SH3GL2: variants seen among roughly 807,000 people sequenced by gnomAD.
SH3GL2 encodes the protein SH3 domain containing GRB2 like 2, endophilin A1, also known as endophilin-A1.
In SH3GL2, 24 loss-of-function variants were observed where a neutral mutation model predicts 46.0. The observed-to-expected ratio is 0.52, with a 90% confidence interval of 0.38 to 0.73. The LOEUF is 0.73. Among genes scored for constraint, SH3GL2 ranks in the 30% least tolerant of loss-of-function variants. The pLI, the probability that SH3GL2 is intolerant of heterozygous loss-of-function variation, is 0.00. For synonymous variants in SH3GL2, 196 were observed against 147.1 expected (o/e 1.33, Z -2.40); for missense variants, 413 against 424.2 (o/e 0.97, Z 0.23).
chr9:17,655,826 A>T (rs1416682945), intron 1 of SH3GL2, among the ~76,000 whole-genome samples: 1 of 152,174 alleles, frequency 6.6e-6, no homozygotes, highest in Non-Finnish European at 1.5e-5. Flanking sequence ...TCATCCCTGC[A>T]TGCTTGCCTT....
chr9:17,694,303 C>G (rs939247769), intron 1 of SH3GL2, among the ~76,000 whole-genome samples: 2 of 151,914 alleles, frequency 1.3e-5, no homozygotes, highest in African/African-American at 4.8e-5. Context: ...TTCACAATGG[C>G]GGAGCAGGAG....
At chr9:17,720,248 GA>G (rs1349214380) in intron 1 of SH3GL2, among the ~76,000 whole-genome samples, 4 of 152,058 alleles carry the variant, frequency 2.6e-5, no homozygotes, top group Non-Finnish European at 5.9e-5. Flanking sequence ...GACAGGAGGG[GA>G]CAAAAGAAGA....
chr9:17,586,676 T>C (rs549150405), intron 1 of SH3GL2, among the ~76,000 whole-genome samples: 1 of 152,224 alleles, frequency 6.6e-6, no homozygotes, highest in Admixed American at 6.5e-5. Context: ...CAGAGCAAAG[T>C]GGGGTAAAAG....
At position 17,623,568 on chromosome 9, in the gene SH3GL2, G is replaced by A. The variant is rs930721803; in HGVS notation, c.45+44281G>A. Among the ~76,000 whole-genome samples the A allele has an allele frequency of 3.9e-5, 6 of 152,090 alleles. 1 individual carries two copies. In the Middle Eastern group the frequency reaches 0.017, roughly 434 times the overall value. ...TGAAAAATGTAATCGGAGAATGAAGGTTCAATATGTTTTTTGTTTGCATTT... is the reference window on the plus strand; with the variant it reads ...TGAAAAATGTAATCGGAGAATGAAGATTCAATATGTTTTTTGTTTGCATTT... On this transcript the variant is annotated intron_variant, in intron 1 of 8. Coordinates refer to ENST00000380607, the MANE Select transcript of SH3GL2 (RefSeq NM_003026.5).
At chr9:17,640,871 A>C (rs1819663836) in intron 1 of SH3GL2, among the ~76,000 whole-genome samples, 1 of 152,218 alleles carries the variant, frequency 6.6e-6, no homozygotes, top group African/African-American at 2.4e-5. Context: ...CAACATGCCT[A>C]ATGTAGCATA....
At position 17,755,391 on chromosome 9, in the gene SH3GL2, C is replaced by T. The variant is rs1325016146; in HGVS notation, c.115-6046C>T. Among the ~76,000 whole-genome samples the T allele has an allele frequency of 2.6e-5, 4 of 152,306 alleles. No homozygotes were observed. In the East Asian group the frequency reaches 7.7e-4, roughly 29 times the overall value. On this transcript the variant is annotated intron_variant, in intron 2 of 8. Transcript: ENST00000380607. The stretch of plus-strand genomic sequence containing the variant: ...CATGCCTCTGGATTTGGTTTGCCAG[C>T]ATTGTATTGAGGATTTGCATCAGTG...
At chr9:17,795,171 A>G (rs7860861) in intron 8 of SH3GL2, among the ~76,000 whole-genome samples, 87,164 of 152,084 alleles carry the variant, frequency 0.57, 25,487 homozygotes, top group East Asian at 0.88. Context: ...TGTGTTATTA[A>G]CCTACATCAT....
intron 1 of SH3GL2, chr9:17,735,579 CA>C: frequency 6.5e-6 from 1 of 153,136 alleles, no homozygotes; most frequent in South Asian, 2.1e-4. Context: ...CCTGCCTATG[CA>C]GAGGACCAAC....
intron 1 of SH3GL2, among the ~76,000 whole-genome samples, chr9:17,704,581 G>C (rs920566134): frequency 2.0e-5 from 3 of 152,036 alleles, no homozygotes; most frequent in Non-Finnish European, 2.9e-5. Context: ...GTAGAAAACA[G>C]ACACACATAC....
chr9:17,689,205 C>T (rs183572221), intron 1 of SH3GL2, among the ~76,000 whole-genome samples: 2 of 152,146 alleles, frequency 1.3e-5, no homozygotes, highest in African/African-American at 4.8e-5. Context: ...AGAGGGTCAT[C>T]CTATAATATA....
rs3837228 is a variant in SH3GL2, at chr9:17,709,680, T to TACACACACACACACAC, written c.46-37367_46-37352dup. Among the ~76,000 whole-genome samples, 787 of 148,266 alleles carry TACACACACACACACAC rather than the reference T, an allele frequency of 5.3e-3. 9 individuals are homozygous for TACACACACACACACAC. Among genetic ancestry groups the TACACACACACACACAC allele is most frequent in the African/African-American group, 0.019 (762 of 40,164 alleles). ...TATATATAGTTTAACTTATTTGTAT[T>TACACACACACACACAC]ACACACACACACACACACACACACA... On this transcript the variant is annotated intron_variant, in intron 1 of 8. Transcript: ENST00000380607.
intron 1 of SH3GL2, among the ~76,000 whole-genome samples, chr9:17,723,846 G>A (rs145498050): frequency 6.6e-6 from 1 of 152,088 alleles, no homozygotes; most frequent in Non-Finnish European, 1.5e-5. Context: ...CATTGTTACA[G>A]ATAAGAAGTC....
intron 1 of SH3GL2, among the ~76,000 whole-genome samples, chr9:17,670,217 C>T (rs1820439914): frequency 6.6e-6 from 1 of 152,172 alleles, no homozygotes; most frequent in Non-Finnish European, 1.5e-5. Context: ...CTAGCCCTTT[C>T]TGTCCATGCA....
chr9:17,633,526 G>A (rs1415970406), intron 1 of SH3GL2, among the ~76,000 whole-genome samples: 7 of 152,206 alleles, frequency 4.6e-5, no homozygotes, highest in Admixed American at 3.3e-4. Flanking sequence ...GTAAATAGCT[G>A]TAATAAGTTA....
chr9:17,579,758 C>T (rs192983190), intron 1 of SH3GL2, among the ~76,000 whole-genome samples: 3,488 of 152,240 alleles, frequency 0.023, 46 homozygotes, highest in African/African-American at 0.039. Flanking sequence ...CGGCGGTTTG[C>T]GCTCCTCTCC....
intron 1 of SH3GL2, among the ~76,000 whole-genome samples, chr9:17,727,167 A>G (rs1563828878): frequency 6.6e-6 from 1 of 152,226 alleles, no homozygotes; most frequent in African/African-American, 2.4e-5. Context: ...AGCAACATAT[A>G]TAAGTTTGAT....
At chr9:17,751,471 T>C (rs956631023) in intron 2 of SH3GL2, among the ~76,000 whole-genome samples, 1 of 122,456 alleles carries the variant, frequency 8.2e-6, no homozygotes, top group Non-Finnish European at 1.7e-5. Context: ...TGTGTGTTTT[T>C]GTGTGTGCGT....
intron 1 of SH3GL2, among the ~76,000 whole-genome samples, chr9:17,714,480 A>G (rs1821703779): frequency 6.6e-6 from 1 of 151,312 alleles, no homozygotes; most frequent in Non-Finnish European, 1.5e-5. Flanking sequence ...GAGTATTTTA[A>G]TGATTCTGAT....
At chr9:17,697,263 A>T (rs1219003807) in intron 1 of SH3GL2, among the ~76,000 whole-genome samples, 1 of 148,440 alleles carries the variant, frequency 6.7e-6, no homozygotes, top group African/African-American at 2.5e-5. Context: ...TCACTTTTTC[A>T]CCCAGGCTGG....
Sources: gnomAD v4.1 joint callset for allele counts (sites outside exome capture counted in the v4.1 genomes callset) on GRCh38, gnomAD v4.1.1 for gene constraint, MANE v1.5 for transcripts, NCBI Gene and HGNC (gene_info 2026-07-23, HGNC 2026-07-21) for gene names.